The following STK32B variants were observed in gnomAD, a reference collection of about 807,000 sequenced individuals.
The protein encoded by STK32B is serine/threonine kinase 32B, also known as serine/threonine-protein kinase 32B.
STK32B carries 43 observed loss-of-function variants against 52.6 expected under a neutral mutation model. The ratio of observed to expected loss-of-function variants is 0.82; its 90% confidence interval spans 0.64 to 1.05. The LOEUF is 1.05. Among genes scored for constraint, STK32B ranks in the 50% least tolerant of loss-of-function variants. STK32B has a pLI of 0.00. For synonymous variants in STK32B, 238 were observed against 204.3 expected (o/e 1.17, Z -1.41); for missense variants, 621 against 534.6 (o/e 1.16, Z -1.59).
intron 2 of STK32B, among the ~76,000 whole-genome samples, chr4:5,161,215 A>G (rs1718417153): frequency 6.6e-6 from 1 of 152,138 alleles, no homozygotes; most frequent in South Asian, 2.1e-4. Flanking sequence ...CTTGAGACCA[A>G]CTTTTGATCC....
chr4:5,413,063 G>A (rs974541334), intron 5 of STK32B, among the ~76,000 whole-genome samples: 5 of 152,036 alleles, frequency 3.3e-5, no homozygotes, highest in African/African-American at 9.7e-5. Flanking sequence ...TCTTCCTCCA[G>A]AAACCCTGTT....
intron 11 of STK32B, among the ~76,000 whole-genome samples, chr4:5,496,955 AAAG>A (rs1381703008): frequency 2.0e-5 from 3 of 152,184 alleles, no homozygotes; most frequent in East Asian, 1.9e-4. Flanking sequence ...ACGATAAAGA[AAAG>A]AAATTGTGAG....
intron 3 of STK32B, among the ~76,000 whole-genome samples, chr4:5,204,704 G>C (rs928426132): frequency 6.6e-6 from 1 of 151,980 alleles, no homozygotes; most frequent in East Asian, 1.9e-4. Context: ...TCCTGACCTT[G>C]TGATCTGCCC....
chr4:5,383,429 G>A (rs1694437926), intron 4 of STK32B, among the ~76,000 whole-genome samples: 1 of 152,210 alleles, frequency 6.6e-6, no homozygotes, highest in Admixed American at 6.5e-5. Context: ...CTATGCCTAT[G>A]TGCCAGAGGT....
intron 5 of STK32B, among the ~76,000 whole-genome samples, chr4:5,415,000 G>A (rs1712039909): frequency 1.3e-5 from 2 of 152,166 alleles, no homozygotes; most frequent in Non-Finnish European, 2.9e-5. Context: ...GAACTGTGTG[G>A]GTGTGGGGTA....
intron 1 of STK32B, among the ~76,000 whole-genome samples, chr4:5,099,619 C>T (rs561833642): frequency 1.4e-4 from 21 of 152,068 alleles, no homozygotes; most frequent in South Asian, 4.2e-4. Context: ...AGGTGGTCTA[C>T]GAACTGGGCC....
At chr4:5,482,497 A>G (rs1194950626) in intron 11 of STK32B, among the ~76,000 whole-genome samples, 3 of 151,940 alleles carry the variant, frequency 2.0e-5, no homozygotes, top group Non-Finnish European at 2.9e-5. Context: ...TGAGATGATG[A>G]GGTTTTCTAG....
chr4:5,108,283 G>A (rs879718442), intron 1 of STK32B, among the ~76,000 whole-genome samples: 1 of 152,172 alleles, frequency 6.6e-6, no homozygotes, highest in Non-Finnish European at 1.5e-5. Flanking sequence ...GAGGCAATTT[G>A]GATTGTTTCC....
chr4:5,079,386 C>T (rs537651741), intron 1 of STK32B, among the ~76,000 whole-genome samples: 11 of 152,092 alleles, frequency 7.2e-5, no homozygotes, highest in Non-Finnish European at 1.6e-4. Context: ...ACTTTATTCC[C>T]AAATTATTAT....
intron 3 of STK32B, among the ~76,000 whole-genome samples, chr4:5,191,355 A>T (rs1403409879): frequency 6.6e-6 from 1 of 151,168 alleles, no homozygotes; most frequent in Non-Finnish European, 1.5e-5. Context: ...GGTTCACACC[A>T]TTCTCCTGCC....
rs376296729 is a variant in STK32B at position 5,409,365 on chromosome 4, T to G, written c.473-7480T>G. Among the ~76,000 whole-genome samples, 10 of 151,794 alleles carry G rather than the reference T, an allele frequency of 6.6e-5. No homozygotes were observed. In the South Asian group the frequency reaches 1.0e-3, roughly 16 times the overall value. On this transcript the variant is annotated intron_variant, in intron 5 of 11. Transcript: ENST00000282908. ...GAGTAGATCATAGTAGGGAAAGCGT[T>G]GCAAAAACTTCTCCAAAGTGTTACT...
intron 11 of STK32B, among the ~76,000 whole-genome samples, chr4:5,471,761 G>T (rs981899504): frequency 6.6e-6 from 1 of 152,124 alleles, no homozygotes; most frequent in African/African-American, 2.4e-5. Flanking sequence ...TGTCTAAGTG[G>T]TGCATCCTCT....
chr4:5,491,791 C>A (rs1249520932), intron 11 of STK32B, among the ~76,000 whole-genome samples: 8 of 151,458 alleles, frequency 5.3e-5, no homozygotes, highest in Non-Finnish European at 1.0e-4. Context: ...TCAGCTTTCT[C>A]CATATGGCTA....
At chr4:5,097,143 T>G (rs1329933141) in intron 1 of STK32B, among the ~76,000 whole-genome samples, 2 of 152,234 alleles carry the variant, frequency 1.3e-5, no homozygotes, top group Non-Finnish European at 2.9e-5. Flanking sequence ...TAAAATGTAC[T>G]TTCTTGCCCA....
At chr4:5,360,857 A>G (rs753596824) in intron 4 of STK32B, among the ~76,000 whole-genome samples, 13 of 152,338 alleles carry the variant, frequency 8.5e-5, no homozygotes, top group African/African-American at 2.9e-4. Flanking sequence ...TAAAATACAC[A>G]TAACAGATAA....
At chr4:5,279,582 CT>C (rs1728059688) in intron 3 of STK32B, among the ~76,000 whole-genome samples, 1 of 152,144 alleles carries the variant, frequency 6.6e-6, no homozygotes, top group Non-Finnish European at 1.5e-5. Flanking sequence ...AGGATGGTAG[CT>C]TTTTCCTCAC....
chr4:5,499,277 C>CACG lies in STK32B; in HGVS notation c.*195_*197dup. On this transcript the variant is annotated 3_prime_UTR_variant, in exon 12 of 12. Transcript: ENST00000282908. ...GATTCACGTGTGACCTCAGACAAGT[C>CACG]ACGCCCTCTCTGTGCCTCCGTTTTC... The CACG allele has an allele frequency of 1.6e-6, 1 of 637,826 alleles. No homozygotes were observed. Among genetic ancestry groups the CACG allele is most frequent in the Non-Finnish European group, 2.3e-6 (1 of 428,198 alleles). The allele number at this position is 637,826 out of a possible 1,614,324, so 39.5% of individuals were successfully genotyped here.
chr4:5,236,046 T>C (rs1006573905), intron 3 of STK32B, among the ~76,000 whole-genome samples: 1 of 152,196 alleles, frequency 6.6e-6, no homozygotes, highest in Non-Finnish European at 1.5e-5. Flanking sequence ...GGTGGGTGTC[T>C]GCAGGGGCAG....
rs1034438436 is a variant in STK32B at position 5,457,302 on chromosome 4, G to A, written c.783+379G>A. ...GCAGTCTCGACTCACTGCAAGCTCC[G>A]CCTCCCGGGTTCACGCCATTTTCCT... On this transcript the variant is annotated intron_variant, in intron 8 of 11. Coordinates refer to ENST00000282908, the MANE Select transcript of STK32B (RefSeq NM_018401.3). Among the ~76,000 whole-genome samples, 9 of 140,908 alleles carry A rather than the reference G, an allele frequency of 6.4e-5. No homozygotes were observed. In the East Asian group the frequency reaches 1.6e-3, roughly 26 times the overall value. 92.4% of individuals were successfully genotyped at this position (140,908 alleles called of 152,430 possible).
Sources: allele counts gnomAD v4.1 joint callset (sites outside exome capture counted in the v4.1 genomes callset), GRCh38; gene constraint gnomAD v4.1.1; transcripts MANE v1.5; gene names NCBI Gene and HGNC (gene_info 2026-07-23, HGNC 2026-07-21).